The following NLRP2 variants were observed in gnomAD, a reference collection of about 807,000 sequenced individuals.
The protein encoded by NLRP2 is NACHT, LRR and PYD domains-containing protein 2.
A neutral mutation model predicts 97.2 loss-of-function variants in NLRP2; 107 were observed. The observed-to-expected ratio is 1.10, with a 90% CI of 0.94 to 1.29. NLRP2 has a LOEUF of 1.29. Ranked by LOEUF, NLRP2 falls within the 50% of genes most tolerant of loss-of-function variation. The pLI, the probability that NLRP2 is intolerant of heterozygous loss-of-function variation, is 0.00. For missense variants in NLRP2, 1,495 were observed against 1,330.3 expected, an observed-to-expected ratio of 1.12 and a Z score of -1.93; for synonymous variants, 663 against 551.5, an observed-to-expected ratio of 1.20 and a Z score of -2.83.
intron 2 of NLRP2, 102 bp downstream of exon 2, chr19:54,970,397 TC>T: frequency 1.4e-6 from 2 of 1,416,934 alleles, no homozygotes; most frequent in African/African-American, 1.4e-5. Context: ...ACGCCTGTCG[TC>T]CCAGCCCTTT....
At chr19:54,997,808 G>A (rs2072919615) in intron 12 of NLRP2, among the ~76,000 whole-genome samples, 1 of 151,016 alleles carries the variant, frequency 6.6e-6, no homozygotes, top group South Asian at 2.1e-4. Context: ...CCCCAGGCTG[G>A]AGTCCAGCAG....
chr19:54,982,111 A>T (rs755459433), intron 5 of NLRP2, 51 bp from the exon 6 acceptor site: 2 of 1,611,618 alleles, frequency 1.2e-6, no homozygotes, highest in South Asian at 1.1e-5. Context: ...GGTTTTCCCT[A>T]TGGGTAACTG....
chr19:54,984,934 G>C, intron 6 of NLRP2, 113 bp from the exon 7 acceptor site: 2 of 970,530 alleles, frequency 2.1e-6, no homozygotes, highest in South Asian at 2.6e-5. Context: ...GTGATTACAT[G>C]GTCCAGCTTT....
chr19:54,968,828 A>G (rs2070655875), intron 1 of NLRP2, among the ~76,000 whole-genome samples: 2 of 151,250 alleles, frequency 1.3e-5, no homozygotes, highest in Admixed American at 1.3e-4. Flanking sequence ...CAGCCTCCCA[A>G]GTAGCTGGAA....
At position 54,990,626 on chromosome 19, in the gene NLRP2, C is replaced by G. The variant is rs1222138359; in HGVS notation, c.2662C>G (p.Leu888Val). The change falls in exon 10 of 13, where the codon CTG (leucine) becomes GTG (valine). Residue 888 changes from leucine to valine, a missense_variant. Leu to Val is a conservative substitution (Grantham distance 32). Coordinates refer to ENST00000448584, the MANE Select transcript of NLRP2 (RefSeq NM_017852.5). ...CATTGGGAATACAGGGGTGAAGTTT[C>G]TGTGTGAGGGCTTGAGGTACCCCGA... Reference protein sequence around the residue: ...NPIGNTGVKFLCEGLRYPECK... With the variant: ...NPIGNTGVKFVCEGLRYPECK... 6.2e-7 allele frequency: 1 copy of G among 1,614,126 alleles called. No homozygotes were observed. Among genetic ancestry groups the G allele is most frequent in the Admixed American group, 1.7e-5 (1 of 59,996 alleles).
In NLRP2 at chr19:54,992,742, A is replaced by G. The variant is rs140963628; in HGVS notation, c.2709-1527A>G. ...CCCAGCTAACTTCTTTATTTTTAGT[A>G]GAGACGAGTTTTCACCATGTTGGTC... On this transcript the variant is annotated intron_variant, in intron 10 of 12. Transcript: ENST00000448584. 4.1e-3 allele frequency among the ~76,000 whole-genome samples: 622 copies of G among 151,744 alleles called. 1 individual carries two copies. The highest frequency in any genetic ancestry group is 0.014 in the African/African-American group (585 of 41,392).
chr19:54,974,075 G>A, intron 2 of NLRP2: 1 of 987,366 alleles, frequency 1.0e-6, no homozygotes, highest in Non-Finnish European at 1.6e-6. Flanking sequence ...GATACAAGCA[G>A]CCAAGCGCGG....
At position 54,982,212 on chromosome 19, in the gene NLRP2, T is replaced by TGGA. The variant is rs1189347188; in HGVS notation, c.515_517dup (p.Trp172_Lys173insArg). 6.2e-7 allele frequency: 1 copy of TGGA among 1,614,016 alleles called. No homozygotes were observed. Among genetic ancestry groups the TGGA allele is most frequent in the Non-Finnish European group, 8.5e-7 (1 of 1,180,040 alleles). On this transcript the variant is annotated inframe_insertion, in exon 6 of 13. Transcript: ENST00000448584. ...ATTGAAGACGAAGTTCCGGGAGATG[T>TGGA]GGAAGAGCTGGCCTGGAGATAGCAA...
In NLRP2 at chr19:54,974,030, C is replaced by CA. The variant is rs2071038693; in HGVS notation, c.281-470_281-469insA. 4.7e-6 allele frequency: 6 copies of CA among 1,266,006 alleles called. No individual in the cohort carries two copies. The South Asian group carries it at 5.9e-5, about 12-fold the overall frequency. 78.4% of individuals were successfully genotyped at this position (1,266,006 alleles called of 1,614,324 possible). A position where few individuals can be genotyped will look rare whatever the true frequency, so the allele number is the denominator to read the frequency against. ...TGTGCTAAGGCTTGAGTGCCTTGAG[C>CA]CCAACTGCAGATCTAAGAATGCTGG... On this transcript the variant is annotated intron_variant, in intron 2 of 12. Transcript: ENST00000448584.
In NLRP2 at chr19:54,982,766, G is replaced by A. The variant is rs1433466621; in HGVS notation, c.1068G>A (p.Val356=). ...ILAEEPIYIR[V]EGFLEEDRRA... ...CGGAGGAGCCGATCTACATAAGGGT[G>A]GAGGGCTTCCTGGAGGAGGACAGGA... Residue 356 remains valine (V), a synonymous_variant, in exon 6 of 13, where the codon GTG becomes GTA. Transcript: ENST00000448584. 10 of 1,614,036 alleles carry A rather than the reference G, an allele frequency of 6.2e-6. No individual in the cohort carries two copies. The highest frequency in any genetic ancestry group is 6.8e-6 in the Non-Finnish European group (8 of 1,180,022).
chr19:54,966,902 C>T (rs116775421), intron 1 of NLRP2, among the ~76,000 whole-genome samples: 6,388 of 136,974 alleles, frequency 0.047, 482 homozygotes, highest in African/African-American at 0.16. Flanking sequence ...AGCGCTGTGG[C>T]AGGATCTCGG....
At position 54,975,256 on chromosome 19, in the gene NLRP2, G is replaced by C. The variant is rs368664240; in HGVS notation, c.325+712G>C. On this transcript the variant is annotated intron_variant, in intron 3 of 12. Transcript: ENST00000448584. ...CTGCCTCAGCCTCCTGAGTAGCTGGGACCACAGGCACTTGCCACCATGCCT... is the reference window on the plus strand; with the variant it reads ...CTGCCTCAGCCTCCTGAGTAGCTGGCACCACAGGCACTTGCCACCATGCCT... Among the ~76,000 whole-genome samples, 12 of 149,504 alleles carry C rather than the reference G, an allele frequency of 8.0e-5. 1 individual carries two copies. The highest frequency in any genetic ancestry group is 2.7e-4 in the African/African-American group (11 of 40,578).
At chr19:54,990,325 C>A in intron 9 of NLRP2, 133 bp downstream of exon 9, 2 of 1,155,472 alleles carry the variant, frequency 1.7e-6, no homozygotes, top group South Asian at 1.2e-5. Context: ...AGATCCAGGC[C>A]GATGGCCTGT....
chr19:54,994,519 G>A lies in NLRP2; in HGVS notation c.2879+80G>A, dbSNP rs1303527826. On this transcript the variant is annotated intron_variant, in intron 11 of 12. Coordinates refer to ENST00000448584, the MANE Select transcript of NLRP2 (RefSeq NM_017852.5). ...CTAGTGTAAAATAATCAGTGAAGCCGACTTCCCAAGTTATATAATTGAGAG... is the reference window on the plus strand; with the variant it reads ...CTAGTGTAAAATAATCAGTGAAGCCAACTTCCCAAGTTATATAATTGAGAG... 1.1e-5 allele frequency: 16 copies of A among 1,447,844 alleles called. No individual in the cohort carries two copies. The East Asian group carries it at 1.4e-4, about 12-fold the overall frequency. 89.7% of individuals were successfully genotyped at this position (1,447,844 alleles called of 1,614,324 possible).
Position 54,986,194 on chromosome 19 carries a change from C to T in NLRP2, c.2245C>T (p.Leu749=), listed in dbSNP as rs774344411. 21 of 1,613,408 alleles carry T rather than the reference C, an allele frequency of 1.3e-5. No homozygotes were observed. The highest frequency in any genetic ancestry group is 1.8e-5 in the Non-Finnish European group (21 of 1,179,436). ...SPADAHRNLC[L]ALRGHKTVTY... is the part of the protein sequence containing the mutation. ...AGCTGATGCTCATCGGAACCTCTGC[C>T]TAGCTCTTCGAGGTCACAAGACTGT... The change falls in exon 8 of 13, where the codon CTA becomes TTA. Residue 749 remains leucine (L), a synonymous_variant. Coordinates refer to ENST00000448584, the MANE Select transcript of NLRP2 (RefSeq NM_017852.5).
intron 12 of NLRP2, among the ~76,000 whole-genome samples, chr19:54,998,963 C>T (rs12982762): frequency 0.29 from 44,074 of 149,598 alleles, 6,887 homozygotes; most frequent in Middle Eastern, 0.43. Flanking sequence ...GGTCACAGAT[C>T]AACAGGATCC....
At chr19:54,972,606 C>T (rs1420679619) in intron 2 of NLRP2, among the ~76,000 whole-genome samples, 1 of 151,778 alleles carries the variant, frequency 6.6e-6, no homozygotes, top group Admixed American at 6.6e-5. Flanking sequence ...TCCCACCACA[C>T]CTCGCTCATT....
intron 10 of NLRP2, chr19:54,991,130 A>G (rs2072448489): frequency 2.3e-5 from 4 of 174,874 alleles, no homozygotes; most frequent in Non-Finnish European, 4.9e-5. Flanking sequence ...AATGGAATTC[A>G]TTTACTTATT....
intron 6 of NLRP2, among the ~76,000 whole-genome samples, chr19:54,984,688 G>A (rs563038789): frequency 9.9e-5 from 15 of 151,474 alleles, no homozygotes; most frequent in African/African-American, 3.6e-4. Context: ...TCACCATGTT[G>A]GCCAGGCAGG....
Sources: gnomAD v4.1 joint callset for allele counts (sites outside exome capture counted in the v4.1 genomes callset) on GRCh38, gnomAD v4.1.1 for gene constraint, MANE v1.5 for transcripts, NCBI Gene and HGNC (gene_info 2026-07-23, HGNC 2026-07-21) for gene names.